IFT140: variants seen among roughly 807,000 people sequenced by gnomAD.
IFT140 encodes intraflagellar transport 140.
In IFT140, 133 loss-of-function variants were observed where a neutral mutation model predicts 164.6. The ratio of observed to expected loss-of-function variants is 0.81; its 90% CI spans 0.70 to 0.93. IFT140 has a LOEUF of 0.93. IFT140 is among the 40% of genes least tolerant of loss of function. The pLI is 0.00. For missense variants in IFT140, 2,045 were observed against 1,972.3 expected (o/e 1.04, Z -0.70); for synonymous variants, 860 against 817.3 (o/e 1.05, Z -0.89).
In IFT140 at chr16:1,527,473, C is replaced by T. The variant is rs190502156; in HGVS notation, c.2400-677G>A. Among the ~76,000 whole-genome samples, 113 of 152,322 alleles carry T rather than the reference C, an allele frequency of 7.4e-4. 1 individual carries two copies. In the East Asian group the frequency reaches 0.016, roughly 22 times the overall value. ...CCACCCCAGCCCTGTGCCCCACTCT[C>T]GGGCAGTGAATTTTGTGTGTGTGAA... On this transcript the variant is annotated intron_variant, in intron 19 of 30. Transcript: ENST00000426508.
chr16:1,526,376 G>C, intron 20 of IFT140: 1 of 564,680 alleles, frequency 1.8e-6, no homozygotes, highest in African/African-American at 2.0e-5. Flanking sequence ...GGGGTCTCTC[G>C]GGCGCTCTGT....
At chr16:1,577,389 A>G (rs1469777384) in intron 13 of IFT140, 1 of 152,220 alleles carries the variant, frequency 6.6e-6, no homozygotes. Flanking sequence ...TATGTAATAC[A>G]TAGAACATAT....
chr16:1,542,104 G>T, intron 19 of IFT140: 1 of 1,561,102 alleles, frequency 6.4e-7, no homozygotes. Context: ...TGTGGCCACC[G>T]CGCCCTTGCC....
intron 14 of IFT140, among the ~76,000 whole-genome samples, chr16:1,568,636 C>T (rs2033853080): frequency 6.6e-6 from 1 of 152,078 alleles, no homozygotes; most frequent in African/African-American, 2.4e-5. Flanking sequence ...AATCCCAGCA[C>T]TTTGGGAGGG....
At chr16:1,582,626 G>T (rs916803412) in intron 12 of IFT140, among the ~76,000 whole-genome samples, 1 of 152,266 alleles carries the variant, frequency 6.6e-6, no homozygotes. Context: ...GGCCAAGGCC[G>T]GGCGCGGAGG....
chr16:1,608,971 T>C (rs1218769372), intron 2 of IFT140, among the ~76,000 whole-genome samples: 1 of 152,056 alleles, frequency 6.6e-6, no homozygotes, highest in Non-Finnish European at 1.5e-5. Context: ...CTGGACAACA[T>C]GATGAAACCT....
chr16:1,570,912 T>C (rs1280119086), intron 14 of IFT140, among the ~76,000 whole-genome samples: 3 of 152,106 alleles, frequency 2.0e-5, no homozygotes, highest in South Asian at 4.1e-4. Context: ...CGTGCCACCA[T>C]GCCCAGCTAA....
At chr16:1,562,216 G>T in intron 17 of IFT140, 100 bp from the exon 18 acceptor site, 1 of 1,062,742 alleles carries the variant, frequency 9.4e-7, no homozygotes, top group Non-Finnish European at 1.3e-6. Context: ...GTCACGGTGG[G>T]GTCGTTGCTA....
chr16:1,605,603 A>C (rs2036017790), intron 3 of IFT140, among the ~76,000 whole-genome samples: 2 of 151,884 alleles, frequency 1.3e-5, no homozygotes, highest in Non-Finnish European at 2.9e-5. Flanking sequence ...ACGGGGTTTC[A>C]CCGTGTTAGC....
At chr16:1,568,912 C>A (rs376679115) in intron 14 of IFT140, among the ~76,000 whole-genome samples, 2 of 152,124 alleles carry the variant, frequency 1.3e-5, no homozygotes, top group African/African-American at 4.8e-5. Flanking sequence ...TAGGGACACA[C>A]TGAGCTATTT....
chr16:1,541,281 A>AG (rs1392696468), intron 19 of IFT140: 1 of 984,814 alleles, frequency 1.0e-6, no homozygotes, highest in East Asian at 1.1e-4. Flanking sequence ...CCAGGAGGTG[A>AG]GGGGGGCAGG....
intron 2 of IFT140, among the ~76,000 whole-genome samples, chr16:1,609,717 C>G (rs1038867234): frequency 6.6e-6 from 1 of 152,206 alleles, no homozygotes; most frequent in East Asian, 1.9e-4. Flanking sequence ...CTTTCAACGG[C>G]CTCTTAACAA....
At chr16:1,560,440 C>T (rs1330490155) in intron 18 of IFT140, among the ~76,000 whole-genome samples, 1 of 152,232 alleles carries the variant, frequency 6.6e-6, no homozygotes, top group African/African-American at 2.4e-5. Context: ...GCCCGAGGAC[C>T]AGAGGCCAGC....
intron 19 of IFT140, among the ~76,000 whole-genome samples, chr16:1,544,121 G>T (rs571353199): frequency 6.8e-6 from 1 of 147,790 alleles, no homozygotes; most frequent in Non-Finnish European, 1.5e-5. Flanking sequence ...GGGTTCAAGC[G>T]ATTCTCCTGC....
chr16:1,585,765 T>A (rs2034836193), intron 10 of IFT140, among the ~76,000 whole-genome samples: 1 of 150,466 alleles, frequency 6.6e-6, no homozygotes, highest in South Asian at 2.1e-4. Flanking sequence ...GCCTCCACTT[T>A]CTTTTTTTTT....
intron 19 of IFT140, chr16:1,541,201 G>T (rs1469762235): frequency 1.8e-5 from 18 of 985,330 alleles, no homozygotes; most frequent in Non-Finnish European, 2.2e-5. Flanking sequence ...CAGGCCTGCT[G>T]TGAGTGGGGA....
intron 15 of IFT140, among the ~76,000 whole-genome samples, chr16:1,566,810 G>A (rs924021117): frequency 1.2e-4 from 18 of 151,872 alleles, no homozygotes; most frequent in Admixed American, 8.5e-4. Flanking sequence ...ATGCACCCTC[G>A]ACCTTTTTGA....
chr16:1,570,727 T>C (rs184095272), intron 14 of IFT140, among the ~76,000 whole-genome samples: 2 of 152,320 alleles, frequency 1.3e-5, no homozygotes, highest in Admixed American at 1.3e-4. Context: ...TTTTGTTACC[T>C]TCTGTGTTCC....
At chr16:1,517,304 C>T (rs1246286132) in intron 30 of IFT140, among the ~76,000 whole-genome samples, 4 of 149,664 alleles carry the variant, frequency 2.7e-5, no homozygotes, top group Non-Finnish European at 5.9e-5. Context: ...GAGCCGAGAT[C>T]GCGCCACTGC....
Sources: allele counts gnomAD v4.1 joint callset (sites outside exome capture counted in the v4.1 genomes callset), GRCh38; gene constraint gnomAD v4.1.1; transcripts MANE v1.5; gene names NCBI Gene and HGNC (gene_info 2026-07-23, HGNC 2026-07-21).